The following MC5R variants were observed in gnomAD, a reference collection of about 807,000 sequenced individuals.
MC5R encodes the protein melanocortin 5 receptor.
For synonymous variants in MC5R, 167 were observed against 164.4 expected (o/e 1.02, Z -0.12); for missense variants, 420 against 431.4 (o/e 0.97, Z 0.23).
Position 13,826,775 on chromosome 18 carries a change from T to A in MC5R, c.*32T>A. 1 of 1,559,872 alleles carries A rather than the reference T, an allele frequency of 6.4e-7. No individual in the cohort carries two copies. The highest frequency in any genetic ancestry group is 8.6e-7 in the Non-Finnish European group (1 of 1,158,790). On this transcript the variant is annotated 3_prime_UTR_variant, in exon 2 of 2. Transcript: ENST00000589410. ...AGTGCTCCTCTCTGTGGCTCTGTTC[T>A]CCTTTGTTTGCTCACCTATGACAAA... is the stretch of plus-strand genomic sequence containing the variant.
rs1385552461 is a variant in MC5R at position 13,825,955 on chromosome 18, A to G, written c.190A>G (p.Asn64Asp). 1 of 1,614,050 alleles carries G rather than the reference A, an allele frequency of 6.2e-7. No homozygotes were observed. Among genetic ancestry groups the G allele is most frequent in the South Asian group, 1.1e-5 (1 of 91,060 alleles). ...CTTGGTCATAGGGGCCATAGTGAAGAACAAAAACCTGCACTCCCCCATGTA... is the reference window on the plus strand; with the variant it reads ...CTTGGTCATAGGGGCCATAGTGAAGGACAAAAACCTGCACTCCCCCATGTA... ...NILVIGAIVKNKNLHSPMYFF... is the reference protein window; with the variant it reads ...NILVIGAIVKDKNLHSPMYFF... The change falls in exon 2 of 2, where the codon AAC becomes GAC. Residue 64 changes from asparagine (N) to aspartate (D), a missense_variant. Physicochemically the swap from Asn to Asp is conservative, Grantham distance 23. Coordinates refer to ENST00000589410, the MANE Select transcript of MC5R (RefSeq NM_005913.3).
intron 1 of MC5R, among the ~76,000 whole-genome samples, chr18:13,824,989 A>C (rs1436241828): frequency 6.6e-6 from 1 of 152,184 alleles, no homozygotes; most frequent in African/African-American, 2.4e-5. Flanking sequence ...AGCTTTTAAC[A>C]TGTGACTTTG....
chr18:13,825,099 C>CCTGT (rs930192795), intron 1 of MC5R, among the ~76,000 whole-genome samples: 4 of 152,116 alleles, frequency 2.6e-5, no homozygotes, highest in Non-Finnish European at 4.4e-5. Flanking sequence ...TAGGGATGCA[C>CCTGT]CTGTCTGTCT....
intron 1 of MC5R, 30 bp from the exon 2 acceptor site, chr18:13,825,697 T>C: frequency 7.1e-7 from 1 of 1,412,062 alleles, no homozygotes; most frequent in Non-Finnish European, 9.6e-7. Context: ...CTAACCTCTT[T>C]GGATTGTGAA....
rs890339159 is a variant in MC5R at position 13,824,171 on chromosome 18, G to C, written c.-143G>C. 2.6e-5 allele frequency: 4 copies of C among 151,512 alleles called. No homozygotes were observed. The highest frequency in any genetic ancestry group is 5.9e-5 in the Non-Finnish European group (4 of 67,954). 9.4% of individuals were successfully genotyped at this position (151,512 alleles called of 1,614,324 possible). A position where few individuals can be genotyped will look rare whatever the true frequency, so the allele number is the denominator to read the frequency against. On this transcript the variant is annotated 5_prime_UTR_variant, in exon 1 of 2. Transcript: ENST00000589410. ...CGCAGAGCCGCAGCCGCCTAGCTGGGGGAGAGGCCCGTCCGGGGCTGGCTC... is the reference window on the plus strand; with the variant it reads ...CGCAGAGCCGCAGCCGCCTAGCTGGCGGAGAGGCCCGTCCGGGGCTGGCTC...
In MC5R at chr18:13,827,121, C is replaced by T. The variant is rs758186507; in HGVS notation, c.*378C>T. 5 of 179,364 alleles carry T rather than the reference C, an allele frequency of 2.8e-5. No homozygotes were observed. Among genetic ancestry groups the T allele is most frequent in the African/African-American group, 4.7e-5 (2 of 42,176 alleles). 11.1% of individuals were successfully genotyped at this position (179,364 alleles called of 1,614,324 possible). A position where few individuals can be genotyped will look rare whatever the true frequency, so the allele number is the denominator to read the frequency against. On this transcript the variant is annotated 3_prime_UTR_variant, in exon 2 of 2. Transcript: ENST00000589410. Reference sequence around the variant, plus strand: ...GACGCGAAGAAAACCGTGATATCGACGCCAGGTGGGATTGCTTCTTCTCCC... The same window carrying T: ...GACGCGAAGAAAACCGTGATATCGATGCCAGGTGGGATTGCTTCTTCTCCC...
In MC5R at chr18:13,825,869, A is replaced by G; in HGVS notation, c.104A>G (p.Asp35Gly). The change falls in exon 2 of 2, where the codon GAC (aspartate) becomes GGC (glycine). Residue 35 changes from aspartate (D) to glycine (G), a missense_variant. Coordinates refer to ENST00000589410, the MANE Select transcript of MC5R (RefSeq NM_005913.3). ...AAAAACAAGTCTTCACCATGTGAAG[A>G]CATGGGCATTGCTGTGGAGGTGTTT... ...NVKNKSSPCE[D>G]MGIAVEVFLT... The G allele has an allele frequency of 6.2e-7, 1 of 1,614,112 alleles. No individual in the cohort carries two copies. Among genetic ancestry groups the G allele is most frequent in the Non-Finnish European group, 8.5e-7 (1 of 1,180,012 alleles).
chr18:13,824,170 G>T lies in MC5R; in HGVS notation c.-144G>T, dbSNP rs73428137. The T allele has an allele frequency of 0.18, 27,986 of 151,590 alleles. 2,641 individuals carry two copies. The highest frequency in any genetic ancestry group is 0.24 in the East Asian group (1,192 of 5,070). 9.4% of individuals were successfully genotyped at this position (151,590 alleles called of 1,614,324 possible). On this transcript the variant is annotated 5_prime_UTR_variant, in exon 1 of 2. Coordinates refer to ENST00000589410, the MANE Select transcript of MC5R (RefSeq NM_005913.3). The stretch of plus-strand genomic sequence containing the variant: ...CCGCAGAGCCGCAGCCGCCTAGCTG[G>T]GGGAGAGGCCCGTCCGGGGCTGGCT...
At position 13,826,253 on chromosome 18, in the gene MC5R, T is replaced by C. The variant is rs746877253; in HGVS notation, c.488T>C (p.Ile163Thr). Reference protein sequence around the residue: ...IMTARRSGAIIAGIWAFCTGC... With the variant: ...IMTARRSGAITAGIWAFCTGC... ...ACGGCGAGGCGCTCAGGGGCCATCA[T>C]CGCCGGCATCTGGGCTTTCTGCACG... Residue 163 changes from isoleucine to threonine, a missense_variant, in exon 2 of 2, where the codon ATC becomes ACC. Transcript: ENST00000589410. 4 of 1,614,046 alleles carry C rather than the reference T, an allele frequency of 2.5e-6. No individual in the cohort carries two copies. Among genetic ancestry groups the C allele is most frequent in the Non-Finnish European group, 3.4e-6 (4 of 1,180,030 alleles).
rs756468179 is a variant in MC5R, at chr18:13,825,833, G to A, written c.68G>A (p.Gly23Glu). ...AATGCCACAGAGGGCAACCTTTCAG[G>A]ACCCAATGTCAAAAACAAGTCTTCA... ...NLNATEGNLS[G>E]PNVKNKSSPC... Residue 23 changes from glycine to glutamate, a missense_variant, in exon 2 of 2, where the codon GGA becomes GAA. By Grantham distance (98) the Gly-to-Glu change is moderately conservative. Transcript: ENST00000589410. 2 of 1,612,568 alleles carry A rather than the reference G, an allele frequency of 1.2e-6. No homozygotes were observed. Among genetic ancestry groups the A allele is most frequent in the Non-Finnish European group, 8.5e-7 (1 of 1,179,576 alleles).
Position 13,826,743 on chromosome 18 carries a change from A to G in MC5R, c.978A>G (p.Ter326=). ...RIACSFPRRD[*] is the part of the protein sequence containing the mutation. Reference sequence around the variant, plus strand: ...CCTGCAGCTTTCCCAGAAGGGATTAAGCACAAAGTGCTCCTCTCTGTGGCT... The same window carrying G: ...CCTGCAGCTTTCCCAGAAGGGATTAGGCACAAAGTGCTCCTCTCTGTGGCT... Residue 326 remains the stop codon, a stop_retained_variant, in exon 2 of 2, where the codon TAA becomes TAG. Coordinates refer to ENST00000589410, the MANE Select transcript of MC5R (RefSeq NM_005913.3). 6.2e-7 allele frequency: 1 copy of G among 1,602,102 alleles called. No individual in the cohort carries two copies. Among genetic ancestry groups the G allele is most frequent in the Non-Finnish European group, 8.5e-7 (1 of 1,175,162 alleles).
chr18:13,826,429 C>T lies in MC5R; in HGVS notation c.664C>T (p.Leu222=). The change falls in exon 2 of 2, where the codon CTG becomes TTG. Residue 222 remains leucine (L), a synonymous_variant. Transcript: ENST00000589410. ...ARTHVKRIAA[L]PGASSARQRT... is the part of the protein sequence containing the mutation. ...GACTCACGTCAAGCGGATCGCGGCT[C>T]TGCCCGGGGCCAGCTCTGCGCGGCA... is the stretch of plus-strand genomic sequence containing the variant. 39 of 1,613,948 alleles carry T rather than the reference C, an allele frequency of 2.4e-5. No homozygotes were observed. The highest frequency in any genetic ancestry group is 3.3e-5 in the Non-Finnish European group (39 of 1,179,874).
rs763525385 is a variant in MC5R, at chr18:13,825,790, T to A, written c.25T>A (p.Phe9Ile). ...AATGAATTCCTCATTTCACCTGCAT[T>A]TCTTGGATCTCAACCTGAATGCCAC... is the stretch of plus-strand genomic sequence containing the variant. MNSSFHLH[F>I]LDLNLNATEG... The change falls in exon 2 of 2, where the codon TTC (phenylalanine) becomes ATC (isoleucine). Residue 9 changes from phenylalanine to isoleucine, a missense_variant. Phe to Ile is a conservative substitution (Grantham distance 21). Coordinates refer to ENST00000589410, the MANE Select transcript of MC5R (RefSeq NM_005913.3). 2 of 1,579,944 alleles carry A rather than the reference T, an allele frequency of 1.3e-6. No individual in the cohort carries two copies. The highest frequency in any genetic ancestry group is 2.3e-5 in the South Asian group (2 of 85,478).
intron 1 of MC5R, 52 bp downstream of exon 1, chr18:13,824,326 AT>A (rs2044915592): frequency 6.6e-6 from 1 of 151,974 alleles, no homozygotes; most frequent in South Asian, 2.1e-4. Context: ...TAAATGCAAA[AT>A]CGCGCTTCCG....
Position 13,826,908 on chromosome 18 carries a change from A to G in MC5R, c.*165A>G. The G allele has an allele frequency of 1.5e-6, 1 of 676,446 alleles. No individual in the cohort carries two copies. The highest frequency in any genetic ancestry group is 2.4e-6 in the Non-Finnish European group (1 of 412,712). The allele number at this position is 676,446 out of a possible 1,614,324, so 41.9% of individuals were successfully genotyped here. A position where few individuals can be genotyped will look rare whatever the true frequency, so the allele number is the denominator to read the frequency against. ...TGTTCAGTTCCTGGTGATTATGTCC[A>G]ACATGCAAGGGTTGCTTATCCACTC... On this transcript the variant is annotated 3_prime_UTR_variant, in exon 2 of 2. Transcript: ENST00000589410.
Position 13,826,471 on chromosome 18 carries a change from G to A in MC5R, c.706G>A (p.Gly236Ser), listed in dbSNP as rs1052690404. Residue 236 changes from glycine (G) to serine (S), a missense_variant, in exon 2 of 2, where the codon GGC becomes AGC. Transcript: ENST00000589410. ...SSARQRTSMQ[G>S]AVTVTMLLGV... ...TGCGCGGCAGAGGACCAGCATGCAG[G>A]GCGCGGTCACCGTCACCATGCTGCT... The A allele has an allele frequency of 6.2e-7, 1 of 1,613,598 alleles. No individual in the cohort carries two copies. Among genetic ancestry groups the A allele is most frequent in the African/African-American group, 1.3e-5 (1 of 75,020 alleles).
At chr18:13,825,686 G>A in intron 1 of MC5R, 41 bp from the exon 2 acceptor site, 4 of 1,310,604 alleles carry the variant, frequency 3.1e-6, no homozygotes, top group Non-Finnish European at 4.2e-6. Context: ...TTGGTAGGCT[G>A]CTAACCTCTT....
chr18:13,826,884 G>A lies in MC5R; in HGVS notation c.*141G>A. The stretch of plus-strand genomic sequence containing the variant: ...GACATGGGCCTAAGAGGCTCTCTCT[G>A]TTCAGTTCCTGGTGATTATGTCCAA... On this transcript the variant is annotated 3_prime_UTR_variant, in exon 2 of 2. Transcript: ENST00000589410. The A allele has an allele frequency of 1.2e-6, 1 of 844,370 alleles. No individual in the cohort carries two copies. The highest frequency in any genetic ancestry group is 1.8e-6 in the Non-Finnish European group (1 of 556,078). The allele number at this position is 844,370 out of a possible 1,614,324, so 52.3% of individuals were successfully genotyped here.
intron 1 of MC5R, chr18:13,825,492 G>T (rs1598443980): frequency 5.9e-6 from 2 of 336,902 alleles, no homozygotes; most frequent in East Asian, 1.1e-4. Context: ...CACTTTGGGA[G>T]GCTGAGAGAG....
Sources: gnomAD v4.1 joint callset for allele counts (sites outside exome capture counted in the v4.1 genomes callset) on GRCh38, gnomAD v4.1.1 for gene constraint, MANE v1.5 for transcripts, NCBI Gene and HGNC (gene_info 2026-07-23, HGNC 2026-07-21) for gene names.